CELF2: variants seen among roughly 807,000 people sequenced by gnomAD.
CELF2 encodes the protein CUGBP Elav-like family member 2, also known as CUG triplet repeat RNA-binding protein 2.
In CELF2, 8 loss-of-function variants were observed where a neutral mutation model predicts 62.6. The ratio of observed to expected loss-of-function variants is 0.13; its 90% CI spans 0.07 to 0.23. CELF2 has a LOEUF of 0.23. Ranked by LOEUF, CELF2 falls within the 10% of genes least tolerant of loss-of-function variation. The pLI, the probability that CELF2 is intolerant of heterozygous loss-of-function variation, is 1.00. For synonymous variants in CELF2, 258 were observed against 250.0 expected, an observed-to-expected ratio of 1.03 and a Z score of -0.30; for missense variants, 333 against 671.0, an observed-to-expected ratio of 0.50 and a Z score of 5.56.
chr10:10,732,253 C>A, the CELF2 span, among the ~76,000 whole-genome samples: 59,831 of 151,970 alleles, frequency 0.39, 12,454 homozygotes, highest in Middle Eastern at 0.51. Flanking sequence ...AAAAAACACA[C>A]CCCTAGGCGG....
intron 8 of CELF2, among the ~76,000 whole-genome samples, chr10:11,282,428 G>A (rs2089274437): frequency 2.0e-5 from 3 of 152,188 alleles, no homozygotes; most frequent in African/African-American, 7.2e-5. Flanking sequence ...GTAACATGTA[G>A]GAGAGTCACA....
intron 1 of CELF2, among the ~76,000 whole-genome samples, chr10:10,851,454 C>T (rs2059376777): frequency 1.3e-5 from 2 of 152,118 alleles, no homozygotes; most frequent in East Asian, 3.9e-4. Flanking sequence ...GCAAGGTTGC[C>T]GACCTCAATA....
the CELF2 span, among the ~76,000 whole-genome samples, chr10:10,684,694 A>G: frequency 6.6e-6 from 1 of 152,154 alleles, no homozygotes; most frequent in East Asian, 1.9e-4. Flanking sequence ...CAGTGAGTCG[A>G]GATTACATGA....
At chr10:10,583,997 T>A in the CELF2 span, among the ~76,000 whole-genome samples, 1 of 152,078 alleles carries the variant, frequency 6.6e-6, no homozygotes, top group African/African-American at 2.4e-5. Flanking sequence ...CAAAGATGCC[T>A]TCCAACCCCA....
At position 11,290,521 on chromosome 10, in the gene CELF2, G is replaced by A. The variant is rs1369232159; in HGVS notation, c.976+1969G>A. On this transcript the variant is annotated intron_variant, in intron 9 of 12. Transcript: ENST00000633077. The surrounding 1 kb of genome is among the most constrained non-coding windows in gnomAD (Gnocchi z 4.3). The stretch of plus-strand genomic sequence containing the variant: ...CAGCCTGGGCGACGAGCGAGACTCC[G>A]TCTAAAAAAAAAAAAAAAATGTGGG... Among the ~76,000 whole-genome samples, 7 of 122,126 alleles carry A rather than the reference G, an allele frequency of 5.7e-5. No individual in the cohort carries two copies. The highest frequency in any genetic ancestry group is 1.9e-4 in the African/African-American group (6 of 32,410). The allele number at this position is 122,126 out of a possible 152,430, so 80.1% of individuals were successfully genotyped here. A position where few individuals can be genotyped will look rare whatever the true frequency, so the allele number is the denominator to read the frequency against.
chr10:11,204,162 GC>G (rs1433247927), intron 2 of CELF2, among the ~76,000 whole-genome samples: 3 of 152,176 alleles, frequency 2.0e-5, no homozygotes, highest in Admixed American at 2.0e-4. Flanking sequence ...CCTTCATACT[GC>G]CCCTAAAATT....
At chr10:11,099,890 A>C (rs796522020) in intron 1 of CELF2, among the ~76,000 whole-genome samples, 2,015 of 142,462 alleles carry the variant, frequency 0.014, 15 homozygotes, top group African/African-American at 0.023. Context: ...ACAACAAAAA[A>C]AAAAAAAAAA....
At chr10:10,582,758 G>A in the CELF2 span, among the ~76,000 whole-genome samples, 3,910 of 152,206 alleles carry the variant, frequency 0.026, 158 homozygotes, top group African/African-American at 0.089. Flanking sequence ...TACAAATAAG[G>A]TAAAATAAAG....
At chr10:10,545,625 T>C in the CELF2 span, among the ~76,000 whole-genome samples, 3 of 152,226 alleles carry the variant, frequency 2.0e-5, no homozygotes, top group Admixed American at 6.5e-5. Context: ...TAATATCTTA[T>C]TGGGTTGCTA....
chr10:10,493,459 A>T, the CELF2 span, among the ~76,000 whole-genome samples: 3 of 152,004 alleles, frequency 2.0e-5, no homozygotes, highest in Non-Finnish European at 4.4e-5. Context: ...CCAAAAAAAA[A>T]TAAGTTTCAC....
At chr10:10,571,422 C>T in the CELF2 span, among the ~76,000 whole-genome samples, 1 of 152,146 alleles carries the variant, frequency 6.6e-6, no homozygotes, top group African/African-American at 2.4e-5. Context: ...TGCATCCAAT[C>T]GCCCAAATAA....
intron 2 of CELF2, among the ~76,000 whole-genome samples, chr10:10,939,277 G>GTTGTTGTTGTTGTTGTTGTTGT (rs1564851300): frequency 2.1e-5 from 3 of 144,324 alleles, no homozygotes; most frequent in African/African-American, 8.0e-5. Flanking sequence ...TTGTTTTGTG[G>GTTGTTGTTGTTGTTGTTGTTGT]TGTTGTTGTT....
chr10:10,971,694 C>T (rs1298911505), intron 2 of CELF2, among the ~76,000 whole-genome samples: 1 of 152,200 alleles, frequency 6.6e-6, no homozygotes, highest in African/African-American at 2.4e-5. Context: ...TCAAGCAATT[C>T]TTGTGCCTCA....
the CELF2 span, among the ~76,000 whole-genome samples, chr10:10,728,466 A>C: frequency 6.7e-6 from 1 of 149,700 alleles, no homozygotes; most frequent in Non-Finnish European, 1.5e-5. Flanking sequence ...AAAAAAAAAA[A>C]AAAAAAAAGA....
upstream of CELF2, among the ~76,000 whole-genome samples, chr10:10,796,141 C>T (rs1258897468): frequency 6.6e-6 from 1 of 152,178 alleles, no homozygotes; most frequent in East Asian, 1.9e-4. Flanking sequence ...CTCGCCAGGT[C>T]CACAGGCATC....
the CELF2 span, among the ~76,000 whole-genome samples, chr10:10,528,739 G>A: frequency 1.2e-3 from 189 of 152,318 alleles, 1 homozygote; most frequent in Non-Finnish European, 2.0e-3. Flanking sequence ...CCAAATAAGT[G>A]AAAGGAGAAT....
the CELF2 span, among the ~76,000 whole-genome samples, chr10:10,713,755 C>A: frequency 6.6e-6 from 1 of 152,162 alleles, no homozygotes; most frequent in African/African-American, 2.4e-5. Context: ...TGGGGATAGG[C>A]CGGGCACGGT....
chr10:10,952,932 C>G (rs534945102), intron 2 of CELF2, among the ~76,000 whole-genome samples: 1 of 152,272 alleles, frequency 6.6e-6, no homozygotes, highest in African/African-American at 2.4e-5. Context: ...TTTTAAAGGG[C>G]TCAGGTTTGC....
the CELF2 span, among the ~76,000 whole-genome samples, chr10:10,606,470 A>T: frequency 0.031 from 4,684 of 152,278 alleles, 232 homozygotes; most frequent in African/African-American, 0.11. Flanking sequence ...CTAGCTTTAA[A>T]TTGAATATGG....
Sources: gnomAD v4.1 joint callset for allele counts (sites outside exome capture counted in the v4.1 genomes callset) on GRCh38, gnomAD v4.1.1 for gene constraint, Gnocchi (gnomAD v3.1) non-coding constraint, MANE v1.5 for transcripts, NCBI Gene and HGNC (gene_info 2026-07-23, HGNC 2026-07-21) for gene names.